Variants in KCNS1 observed in about 807,000 individuals in gnomAD.
The protein encoded by KCNS1 is potassium voltage-gated channel modifier subfamily S member 1.
A neutral mutation model predicts 33.1 loss-of-function variants in KCNS1; 26 were observed. That is an observed-to-expected ratio of 0.79 (90% confidence interval 0.58 to 1.09). KCNS1 has a LOEUF of 1.09. Ranked by LOEUF, KCNS1 falls within the 50% of genes least tolerant of loss-of-function variation. The pLI, the probability that KCNS1 is intolerant of heterozygous loss-of-function variation, is 0.00. For missense variants in KCNS1, 702 were observed against 752.4 expected, an observed-to-expected ratio of 0.93 and a Z score of 0.78; for synonymous variants, 299 against 338.8, an observed-to-expected ratio of 0.88 and a Z score of 1.29.
chr20:45,097,632 C>T (rs1981224103), intron 3 of KCNS1, 30 bp downstream of exon 3: 2 of 1,575,768 alleles, frequency 1.3e-6, no homozygotes, highest in African/African-American at 1.3e-5. Context: ...CCCGCCCACC[C>T]CAGCTCCAAC....
Position 45,098,750 on chromosome 20 carries a change from AC to A in KCNS1, c.77-56del. The stretch of plus-strand genomic sequence containing the variant: ...GTTCCCGGGCTTCCCTTCCTGGAAG[AC>A]CAGGTTAAAATCCCCTCCTCCATCC... On this transcript the variant is annotated intron_variant, in intron 2 of 3. Coordinates refer to ENST00000537075, the MANE Select transcript of KCNS1 (RefSeq NM_001322799.2). This position sits in a 1 kb window ranked among gnomAD's most constrained non-coding sequence, Gnocchi z 5.2. 7.7e-7 allele frequency: 1 copy of A among 1,296,062 alleles called. No individual in the cohort carries two copies. Among genetic ancestry groups the A allele is most frequent in the South Asian group, 2.4e-5 (1 of 41,494 alleles). 80.3% of individuals were successfully genotyped at this position (1,296,062 alleles called of 1,614,324 possible).
Position 45,097,927 on chromosome 20 carries a change from C to CT in KCNS1, c.844_845insA (p.Trp282Ter), listed in dbSNP as rs1221630743. 1.9e-6 allele frequency: 3 copies of CT among 1,594,210 alleles called. No individual in the cohort carries two copies. The Admixed American group carries it at 5.2e-5, about 28-fold the overall frequency. Reference protein sequence around the residue: ...LRRLEYFCIAWFSFEVSSRLL... With the variant: ...LRRLEYFCIA ...GCGCGACGACACCTCGAAGCTGAAC[C>CT]AGGCGATGCAGAAGTACTCGAGGCG... is the stretch of plus-strand genomic sequence containing the variant. The change falls in exon 3 of 4, where the codon TGG becomes TAGG. Residue 282 changes from tryptophan (W) to a stop codon, truncating the protein, a stop_gained and frameshift_variant. Transcript: ENST00000537075. LOFTEE classifies it high-confidence loss of function.
In KCNS1 at chr20:45,094,663, A is replaced by G; in HGVS notation, c.*207T>C. On this transcript the variant is annotated 3_prime_UTR_variant, in exon 4 of 4. Transcript: ENST00000537075. ...TCATGAATGGCTTGGAGGCAGGTTT[A>G]TAAAGCTTTCTGAGTTGCTTGCAGA... is the stretch of plus-strand genomic sequence containing the variant. 1.8e-6 allele frequency: 1 copy of G among 556,594 alleles called. No homozygotes were observed. Among genetic ancestry groups the G allele is most frequent in the Admixed American group, 3.3e-5 (1 of 29,854 alleles). The allele number at this position is 556,594 out of a possible 1,614,324, so 34.5% of individuals were successfully genotyped here. A position where few individuals can be genotyped will look rare whatever the true frequency, so the allele number is the denominator to read the frequency against.
rs6073639 is a variant in KCNS1, at chr20:45,092,171, A to G, written c.*2699T>C. 0.12 allele frequency: 18,952 copies of G among 152,074 alleles called. 1,539 individuals are homozygous for G. Among genetic ancestry groups the G allele is most frequent in the East Asian group, 0.22 (1,135 of 5,158 alleles). 9.4% of individuals were successfully genotyped at this position (152,074 alleles called of 1,614,324 possible). On this transcript the variant is annotated 3_prime_UTR_variant, in exon 4 of 4. Coordinates refer to ENST00000537075, the MANE Select transcript of KCNS1 (RefSeq NM_001322799.2). ...TCACTTGCAACCTGTTCTGGCTGGC[A>G]CAACCACAAAGTTTGTGCCAAATCC...
In KCNS1 at chr20:45,095,188, G is replaced by A. The variant is rs779931108; in HGVS notation, c.1263C>T (p.Thr421=). Residue 421 remains threonine, a synonymous_variant, in exon 4 of 4, where the codon ACC becomes ACT. Coordinates refer to ENST00000537075, the MANE Select transcript of KCNS1 (RefSeq NM_001322799.2). ...CTGGCACCACATCCCCATAGCCCAC[G>A]GTGGTCATGCTCACTGTGCCCCACC... ...CWWWGTVSMT[T]VGYGDVVPVT... is the part of the protein sequence containing the mutation. 1.1e-5 allele frequency: 18 copies of A among 1,613,976 alleles called. No homozygotes were observed. The highest frequency in any genetic ancestry group is 2.2e-5 in the East Asian group (1 of 44,896).
chr20:45,097,406 G>A (rs1413709000), intron 3 of KCNS1, among the ~76,000 whole-genome samples: 1 of 151,766 alleles, frequency 6.6e-6, no homozygotes, highest in African/African-American at 2.4e-5. Flanking sequence ...TTTTGAAAAA[G>A]AAAGACAAGC....
Position 45,097,971 on chromosome 20 carries a change from G to C in KCNS1, c.801C>G (p.Arg267=). ...CGAGGCGTCGCAGCACCGGGTCGTC[G>C]CGCACGCCTTCCGGGCTGCGGCCCG... is the stretch of plus-strand genomic sequence containing the variant. ...VAAGRSPEGV[R]DDPVLRRLEY... is the part of the protein sequence containing the mutation. The change falls in exon 3 of 4, where the codon CGC becomes CGG. Residue 267 remains arginine, a synonymous_variant. Coordinates refer to ENST00000537075, the MANE Select transcript of KCNS1 (RefSeq NM_001322799.2). 5 of 1,553,050 alleles carry C rather than the reference G, an allele frequency of 3.2e-6. No homozygotes were observed. The highest frequency in any genetic ancestry group is 4.3e-6 in the Non-Finnish European group (5 of 1,149,934).
rs1981143950 is a variant in KCNS1, at chr20:45,095,176, C to T, written c.1275G>A (p.Gly425=). 6.2e-7 allele frequency: 1 copy of T among 1,614,140 alleles called. No individual in the cohort carries two copies. The highest frequency in any genetic ancestry group is 1.3e-5 in the African/African-American group (1 of 75,026). The change falls in exon 4 of 4, where the codon GGG becomes GGA. Residue 425 remains glycine (G), a synonymous_variant. Transcript: ENST00000537075. ...CAGCCACCGTCACTGGCACCACATC[C>T]CCATAGCCCACGGTGGTCATGCTCA... ...GTVSMTTVGY[G]DVVPVTVAGK...
Position 45,097,899 on chromosome 20 carries a change from G to T in KCNS1, c.873C>A (p.Leu291=), listed in dbSNP as rs753574030. Reference sequence around the variant, plus strand: ...AGTTGCGCGTACTGGGCGCCAGCAGGAGGCGCGACGACACCTCGAAGCTGA... The same window carrying T: ...AGTTGCGCGTACTGGGCGCCAGCAGTAGGCGCGACGACACCTCGAAGCTGA... ...AWFSFEVSSR[L]LLAPSTRNFF... Residue 291 remains leucine, a synonymous_variant, in exon 3 of 4, where the codon CTC becomes CTA. Coordinates refer to ENST00000537075, the MANE Select transcript of KCNS1 (RefSeq NM_001322799.2). The T allele has an allele frequency of 3.1e-6, 5 of 1,607,692 alleles. No homozygotes were observed. Among genetic ancestry groups the T allele is most frequent in the Non-Finnish European group, 4.2e-6 (5 of 1,177,346 alleles).
intron 3 of KCNS1, among the ~76,000 whole-genome samples, chr20:45,096,265 A>G (rs768987932): frequency 2.6e-5 from 4 of 152,196 alleles, no homozygotes; most frequent in Non-Finnish European, 5.9e-5. Flanking sequence ...CAAGGCTCTC[A>G]TCTGGAGTAT....
At position 45,098,254 on chromosome 20, in the gene KCNS1, G is replaced by A. The variant is rs1420281769; in HGVS notation, c.518C>T (p.Thr173Met). ...GGGGCACGGGTCCACGCTGCTCGGC[G>A]TGTCGCTGTCCTCGTCCCAGGCGTG... ...QPHAWDEDSD[T>M]PSSVDPCPDE... The change falls in exon 3 of 4, where the codon ACG becomes ATG. Residue 173 changes from threonine to methionine, a missense_variant. Coordinates refer to ENST00000537075, the MANE Select transcript of KCNS1 (RefSeq NM_001322799.2). This position sits in a 1 kb window ranked among gnomAD's most constrained non-coding sequence, Gnocchi z 5.2. 1 of 1,597,536 alleles carries A rather than the reference G, an allele frequency of 6.3e-7. No homozygotes were observed. The highest frequency in any genetic ancestry group is 2.3e-5 in the East Asian group (1 of 44,172).
chr20:45,096,391 G>A (rs1445599890), intron 3 of KCNS1, among the ~76,000 whole-genome samples: 2 of 152,168 alleles, frequency 1.3e-5, no homozygotes, highest in African/African-American at 2.4e-5. Context: ...ACAGGGCAGC[G>A]TTCTGGGGCA....
intron 3 of KCNS1, among the ~76,000 whole-genome samples, chr20:45,095,908 C>T (rs113262809): frequency 4.1e-4 from 63 of 152,194 alleles, no homozygotes; most frequent in African/African-American, 1.4e-3. Context: ...GCCTCCACCC[C>T]GCAAGGGACA....
At position 45,092,626 on chromosome 20, in the gene KCNS1, A is replaced by G. The variant is rs891751820; in HGVS notation, c.*2244T>C. On this transcript the variant is annotated 3_prime_UTR_variant, in exon 4 of 4. Coordinates refer to ENST00000537075, the MANE Select transcript of KCNS1 (RefSeq NM_001322799.2). ...AGAAGGGCTGGTATGTGTGTGGTGA[A>G]TTCAAGGGAGGCCCTTTGCTGCTTA... is the stretch of plus-strand genomic sequence containing the variant. 1 of 152,150 alleles carries G rather than the reference A, an allele frequency of 6.6e-6. No individual in the cohort carries two copies. Among genetic ancestry groups the G allele is most frequent in the African/African-American group, 2.4e-5 (1 of 41,410 alleles). The allele number at this position is 152,150 out of a possible 1,614,324, so 9.4% of individuals were successfully genotyped here. A position where few individuals can be genotyped will look rare whatever the true frequency, so the allele number is the denominator to read the frequency against.
rs112729886 is a variant in KCNS1 at position 45,097,533 on chromosome 20, C to T, written c.1110+129G>A. On this transcript the variant is annotated intron_variant, in intron 3 of 3. Transcript: ENST00000537075. ...CGTACACCTGGTGTGCAGCCCTGTG[C>T]CTGGCACAAAGGACGGCATCTCAGT... is the stretch of plus-strand genomic sequence containing the variant. The T allele has an allele frequency of 8.2e-4, 750 of 918,924 alleles. 6 individuals are homozygous for T. The African/African-American group carries it at 0.011, about 14-fold the overall frequency. 56.9% of individuals were successfully genotyped at this position (918,924 alleles called of 1,614,324 possible).
At chr20:45,099,279 C>T in intron 1 of KCNS1, 40 bp from the exon 2 acceptor site, 1 of 1,074,718 alleles carries the variant, frequency 9.3e-7, no homozygotes. Flanking sequence ...AGCCTGCCAT[C>T]GATTTACTGA....
rs1375496657 is a variant in KCNS1, at chr20:45,093,429, G to A, written c.*1441C>T. 1.3e-5 allele frequency: 2 copies of A among 152,062 alleles called. No individual in the cohort carries two copies. The highest frequency in any genetic ancestry group is 2.9e-5 in the Non-Finnish European group (2 of 68,034). The allele number at this position is 152,062 out of a possible 1,614,324, so 9.4% of individuals were successfully genotyped here. A position where few individuals can be genotyped will look rare whatever the true frequency, so the allele number is the denominator to read the frequency against. ...TCCCCCTCTGAGCTTGGCACCCAGT[G>A]GGCTGTAGGAATTGGTTGATCTATT... On this transcript the variant is annotated 3_prime_UTR_variant, in exon 4 of 4. Coordinates refer to ENST00000537075, the MANE Select transcript of KCNS1 (RefSeq NM_001322799.2).
In KCNS1 at chr20:45,098,571, GGC is replaced by G. The variant is rs1483700206; in HGVS notation, c.199_200del (p.Ala67ProfsTer308). The stretch of plus-strand genomic sequence containing the variant: ...GCCGCGTGCCCGGGAAGCGCGCCAG[GGC>G]GCGCGCGCTCAGCTGCCGCCGCACG... ...GGVRRQLSAR[A>X]LARFPGTRLG... On this transcript the variant is annotated frameshift_variant, in exon 3 of 4. Coordinates refer to ENST00000537075, the MANE Select transcript of KCNS1 (RefSeq NM_001322799.2). LOFTEE classifies it high-confidence loss of function. This position sits in a 1 kb window ranked among gnomAD's most constrained non-coding sequence, Gnocchi z 5.2. The G allele has an allele frequency of 7.2e-6, 10 of 1,383,184 alleles. No individual in the cohort carries two copies. In the South Asian group the frequency reaches 1.2e-4, roughly 17 times the overall value. 85.7% of individuals were successfully genotyped at this position (1,383,184 alleles called of 1,614,324 possible).
chr20:45,094,899 TG>T lies in KCNS1; in HGVS notation c.1551del (p.Ser518ValfsTer15). On this transcript the variant is annotated frameshift_variant, in exon 4 of 4. Transcript: ENST00000537075. LOFTEE classifies it high-confidence loss of function. ...GQSADLESQA[P>X]SEPPHPQMY ...TACATCTGAGGGTGTGGAGGCTCAC[TG>T]GGGGCCTGGCTCTCTAGATCTGCAG... 1 of 1,613,358 alleles carries T rather than the reference TG, an allele frequency of 6.2e-7. No individual in the cohort carries two copies. Among genetic ancestry groups the T allele is most frequent in the South Asian group, 1.1e-5 (1 of 91,030 alleles).
Sources: gnomAD v4.1 joint callset for allele counts (sites outside exome capture counted in the v4.1 genomes callset) on GRCh38, gnomAD v4.1.1 for gene constraint, Gnocchi (gnomAD v3.1) non-coding constraint, MANE v1.5 for transcripts, NCBI Gene and HGNC (gene_info 2026-07-23, HGNC 2026-07-21) for gene names.